The following GABRG3 variants were observed in gnomAD, a reference collection of about 807,000 sequenced individuals.
GABRG3 encodes gamma-aminobutyric acid type A receptor subunit gamma3.
GABRG3 carries 25 observed loss-of-function variants against 48.8 expected under a neutral mutation model. The ratio of observed to expected loss-of-function variants is 0.51; its 90% confidence interval spans 0.37 to 0.72. GABRG3 has a LOEUF of 0.72. Among genes scored for constraint, GABRG3 ranks in the 30% least tolerant of loss-of-function variants. The pLI, the probability that GABRG3 is intolerant of heterozygous loss-of-function variation, is 0.00. For missense variants in GABRG3, 394 were observed against 577.9 expected (o/e 0.68, Z 3.26); for synonymous variants, 227 against 217.6 (o/e 1.04, Z -0.38).
intron 5 of GABRG3, among the ~76,000 whole-genome samples, chr15:27,480,416 G>T (rs1204727966): frequency 6.6e-6 from 1 of 152,162 alleles, no homozygotes; most frequent in Admixed American, 6.5e-5. Flanking sequence ...GTTGTCAGTG[G>T]CCAGGCCTAT....
rs1891615913 is a variant in GABRG3, at chr15:27,539,343, A to G, written c.*6462A>G. 1 of 152,130 alleles carries G rather than the reference A, an allele frequency of 6.6e-6. No individual in the cohort carries two copies. The highest frequency in any genetic ancestry group is 2.4e-5 in the African/African-American group (1 of 41,420). The allele number at this position is 152,130 out of a possible 1,614,324, so 9.4% of individuals were successfully genotyped here. A position where few individuals can be genotyped will look rare whatever the true frequency, so the allele number is the denominator to read the frequency against. ...CTTTTGGGTGGATTGGAGTTTTACA[A>G]CTGGATTCATTAGCACACGTGTGGG... On this transcript the variant is annotated 3_prime_UTR_variant, in exon 10 of 10. Transcript: ENST00000615808.
At chr15:27,278,982 C>A (rs941749697) in intron 3 of GABRG3, among the ~76,000 whole-genome samples, 1 of 152,174 alleles carries the variant, frequency 6.6e-6, no homozygotes, top group Admixed American at 6.5e-5. Context: ...CCAGCCTGTG[C>A]TGTTACGTTC....
At chr15:27,193,180 A>T (rs1488210179) in intron 3 of GABRG3, among the ~76,000 whole-genome samples, 2 of 149,224 alleles carry the variant, frequency 1.3e-5, no homozygotes, top group Non-Finnish European at 3.0e-5. Flanking sequence ...AGGGACCCAC[A>T]TGAGGAGGCA....
intron 3 of GABRG3, among the ~76,000 whole-genome samples, chr15:27,204,425 C>T (rs1404554183): frequency 6.6e-6 from 1 of 151,992 alleles, no homozygotes; most frequent in Non-Finnish European, 1.5e-5. Context: ...GTACCAGTAC[C>T]ATGCTGCTTT....
At chr15:27,005,501 T>C (rs1895567164) in intron 2 of GABRG3, among the ~76,000 whole-genome samples, 1 of 152,216 alleles carries the variant, frequency 6.6e-6, no homozygotes, top group Non-Finnish European at 1.5e-5. Flanking sequence ...AATTACTATA[T>C]AGGAAACAAA....
Position 27,306,834 on chromosome 15 carries a change from TAAACATGTTTATATATAAACATAC to T in GABRG3, c.271-19972_271-19949del, listed in dbSNP as rs1892526210. Reference sequence around the variant, plus strand: ...CATGTTTATATATAAACATACAATATAAACATGTTTATATATAAACATACAATATAAACATGTTTATATATAAAC... The same window carrying T: ...CATGTTTATATATAAACATACAATATAATATAAACATGTTTATATATAAAC... On this transcript the variant is annotated intron_variant, in intron 3 of 9. Coordinates refer to ENST00000615808, the MANE Select transcript of GABRG3 (RefSeq NM_033223.5). 4.3e-4 allele frequency among the ~76,000 whole-genome samples: 38 copies of T among 87,366 alleles called. 1 individual carries two copies. The highest frequency in any genetic ancestry group is 2.0e-3 in the African/African-American group (36 of 17,648). 57.3% of individuals were successfully genotyped at this position (87,366 alleles called of 152,430 possible). A position where few individuals can be genotyped will look rare whatever the true frequency, so the allele number is the denominator to read the frequency against.
At chr15:27,146,673 A>G (rs967427674) in intron 3 of GABRG3, among the ~76,000 whole-genome samples, 24 of 152,292 alleles carry the variant, frequency 1.6e-4, no homozygotes, top group Admixed American at 7.2e-4. Flanking sequence ...ATGGAACTAT[A>G]TAAGTGCAAA....
intron 5 of GABRG3, among the ~76,000 whole-genome samples, chr15:27,480,276 G>GC (rs1890066445): frequency 6.6e-6 from 1 of 152,192 alleles, no homozygotes. Context: ...GTGGGCATGG[G>GC]CCATGTAGTT....
chr15:27,406,923 T>G (rs1004954147), intron 5 of GABRG3, among the ~76,000 whole-genome samples: 18 of 152,172 alleles, frequency 1.2e-4, no homozygotes, highest in Admixed American at 2.0e-4. Flanking sequence ...TTTTTTTCTT[T>G]TTGTTGTTGT....
At chr15:27,314,222 A>T (rs1038616097) in intron 3 of GABRG3, among the ~76,000 whole-genome samples, 3 of 152,168 alleles carry the variant, frequency 2.0e-5, no homozygotes, top group African/African-American at 7.2e-5. Context: ...CACATACAAT[A>T]TTAATAAACT....
intron 6 of GABRG3, among the ~76,000 whole-genome samples, chr15:27,492,328 A>T (rs1487864944): frequency 6.6e-6 from 1 of 152,218 alleles, no homozygotes; most frequent in East Asian, 1.9e-4. Flanking sequence ...AAAGGAGCAT[A>T]AAAAGCATGC....
At chr15:27,517,464 G>A in intron 6 of GABRG3, among the ~76,000 whole-genome samples, 1 of 152,196 alleles carries the variant, frequency 6.6e-6, no homozygotes, top group Non-Finnish European at 1.5e-5. Flanking sequence ...ATTAGGCAAG[G>A]GAGTATACTG....
At chr15:27,308,037 G>A (rs1411121231) in intron 3 of GABRG3, among the ~76,000 whole-genome samples, 2 of 135,920 alleles carry the variant, frequency 1.5e-5, no homozygotes, top group African/African-American at 2.7e-5. Context: ...ATGTTTATAT[G>A]TAAATGTATA....
chr15:27,505,511 A>G (rs1420632114), intron 6 of GABRG3, among the ~76,000 whole-genome samples: 3 of 152,172 alleles, frequency 2.0e-5, no homozygotes, highest in Non-Finnish European at 2.9e-5. Flanking sequence ...TTAATTATAA[A>G]TGGATGTTTC....
At chr15:26,997,136 T>C (rs1315266827) in intron 2 of GABRG3, among the ~76,000 whole-genome samples, 2 of 152,224 alleles carry the variant, frequency 1.3e-5, no homozygotes, top group Non-Finnish European at 1.5e-5. Flanking sequence ...TTTTGATTAT[T>C]GTACTTTTTC....
chr15:27,303,438 GTGAT>G (rs961508697), intron 3 of GABRG3, among the ~76,000 whole-genome samples: 6 of 151,692 alleles, frequency 4.0e-5, no homozygotes, highest in African/African-American at 1.2e-4. Flanking sequence ...GACCATTAAA[GTGAT>G]TGATTTCATA....
At position 26,976,981 on chromosome 15, in the gene GABRG3, A is replaced by AT. The variant is rs980564789; in HGVS notation, c.54-16dup. 2 of 1,613,758 alleles carry AT rather than the reference A, an allele frequency of 1.2e-6. No homozygotes were observed. The highest frequency in any genetic ancestry group is 1.7e-6 in the Non-Finnish European group (2 of 1,179,806). On this transcript the variant is annotated intron_variant, in intron 1 of 9. Coordinates refer to ENST00000615808, the MANE Select transcript of GABRG3 (RefSeq NM_033223.5). This position sits in a 1 kb window ranked among gnomAD's most constrained non-coding sequence, Gnocchi z 7.8. ...GCCATTGCTGCCACTTATATGTCGC[A>AT]TTTTTGTGCTGTAACTCCAGGTCCA...
In GABRG3 at chr15:27,535,742, A is replaced by G. The variant is rs918567105; in HGVS notation, c.*2861A>G. 1.1e-4 allele frequency: 17 copies of G among 152,276 alleles called. No homozygotes were observed. Among genetic ancestry groups the G allele is most frequent in the African/African-American group, 3.9e-4 (16 of 41,466 alleles). 9.4% of individuals were successfully genotyped at this position (152,276 alleles called of 1,614,324 possible). A position where few individuals can be genotyped will look rare whatever the true frequency, so the allele number is the denominator to read the frequency against. ...CTGAGATGAGCCTTTTCAGTCCACA[A>G]TGAGGAAGAGATGGGTGTGCCTTGG... On this transcript the variant is annotated 3_prime_UTR_variant, in exon 10 of 10. Coordinates refer to ENST00000615808, the MANE Select transcript of GABRG3 (RefSeq NM_033223.5).
At chr15:27,129,556 C>G (rs1897879830) in intron 3 of GABRG3, among the ~76,000 whole-genome samples, 1 of 152,262 alleles carries the variant, frequency 6.6e-6, no homozygotes, top group African/African-American at 2.4e-5. Flanking sequence ...TGGGTGTACA[C>G]CTGCAAGTAA....
Sources: allele counts gnomAD v4.1 joint callset (sites outside exome capture counted in the v4.1 genomes callset), GRCh38; gene constraint gnomAD v4.1.1; non-coding constraint Gnocchi (gnomAD v3.1); transcripts MANE v1.5; gene names NCBI Gene and HGNC (gene_info 2026-07-23, HGNC 2026-07-21).